TRIP12: variants seen among roughly 807,000 people sequenced by gnomAD.
The protein encoded by TRIP12 is E3 ubiquitin-protein ligase TRIP12.
A neutral mutation model predicts 244.2 loss-of-function variants in TRIP12; 25 were observed. That is an observed-to-expected ratio of 0.10 (90% CI 0.07 to 0.14). TRIP12 has a LOEUF of 0.14. TRIP12 is among the 10% of genes least tolerant of loss of function. The pLI is 1.00. For missense variants in TRIP12, 1,677 were observed against 2,486.4 expected, an observed-to-expected ratio of 0.67 and a Z score of 6.92; for synonymous variants, 905 against 873.1, an observed-to-expected ratio of 1.04 and a Z score of -0.64.
At chr2:229,798,122 T>C (rs2043261844) in intron 23 of TRIP12, among the ~76,000 whole-genome samples, 2 of 152,208 alleles carry the variant, frequency 1.3e-5, no homozygotes, top group Admixed American at 1.3e-4. Flanking sequence ...AGTGTTCCCT[T>C]TACTTCCTAA....
chr2:229,840,688 G>A, intron 5 of TRIP12, 134 bp downstream of exon 5: 2 of 676,558 alleles, frequency 3.0e-6, no homozygotes, highest in Non-Finnish European at 4.7e-6. Context: ...GGTGACAAGA[G>A]CAAGACTCCG....
At chr2:229,817,760 A>C (rs981133721) in intron 9 of TRIP12, among the ~76,000 whole-genome samples, 1 of 151,950 alleles carries the variant, frequency 6.6e-6, no homozygotes. Flanking sequence ...ATGCCCGGCT[A>C]ATTTTTGTAT....
At chr2:229,883,531 A>G (rs1381963344) in intron 1 of TRIP12, among the ~76,000 whole-genome samples, 3 of 152,178 alleles carry the variant, frequency 2.0e-5, no homozygotes, top group African/African-American at 7.2e-5. Context: ...AGAATTATAA[A>G]CCCAATTTAA....
At chr2:229,872,896 T>A (rs1320417589) in intron 2 of TRIP12, among the ~76,000 whole-genome samples, 1 of 152,216 alleles carries the variant, frequency 6.6e-6, no homozygotes, top group East Asian at 1.9e-4. Context: ...TGACTTATAC[T>A]TCTCCAAGCC....
intron 4 of TRIP12, among the ~76,000 whole-genome samples, chr2:229,857,370 C>T (rs1185672019): frequency 6.6e-6 from 1 of 152,088 alleles, no homozygotes; most frequent in East Asian, 1.9e-4. Flanking sequence ...CAGTGGCTCA[C>T]ACTTATAATC....
At chr2:229,858,427 AATG>A (rs891786570) in intron 4 of TRIP12, among the ~76,000 whole-genome samples, 173 of 152,304 alleles carry the variant, frequency 1.1e-3, no homozygotes, top group African/African-American at 3.8e-3. Context: ...CTCCTAACTA[AATG>A]ATAATTTTGT....
intron 34 of TRIP12, among the ~76,000 whole-genome samples, chr2:229,780,915 A>G (rs2037940211): frequency 6.6e-6 from 1 of 152,216 alleles, no homozygotes; most frequent in Admixed American, 6.5e-5. Context: ...GGAACAAAAG[A>G]GAAGCAAAGA....
At chr2:229,845,866 G>GA (rs35008566) in intron 4 of TRIP12, among the ~76,000 whole-genome samples, 87 of 150,230 alleles carry the variant, frequency 5.8e-4, no homozygotes, top group Admixed American at 1.5e-3. Flanking sequence ...AAATTACGAA[G>GA]AAAAAAAAAA....
intron 2 of TRIP12, among the ~76,000 whole-genome samples, chr2:229,861,856 G>C (rs1053999078): frequency 6.6e-6 from 1 of 151,636 alleles, no homozygotes; most frequent in African/African-American, 2.4e-5. Context: ...ATGTTCTAAA[G>C]ACTTATTAGA....
At chr2:229,775,187 AT>A (rs1318028207) in intron 37 of TRIP12, among the ~76,000 whole-genome samples, 3 of 152,134 alleles carry the variant, frequency 2.0e-5, no homozygotes, top group African/African-American at 7.2e-5. Flanking sequence ...AGCAAACTAA[AT>A]GCTGTTTAGG....
In TRIP12 at chr2:229,840,722, A is replaced by G. The variant is rs1043453156; in HGVS notation, c.1133+100T>C. ...CGTCAAAAAACAAAACAAAACAAACAAAACAAAAAACAACCTATGGAGTTA... is the reference window on the plus strand; with the variant it reads ...CGTCAAAAAACAAAACAAAACAAACGAAACAAAAAACAACCTATGGAGTTA... On this transcript the variant is annotated intron_variant, in intron 5 of 41. Coordinates refer to ENST00000675903, the MANE Select transcript of TRIP12 (RefSeq NM_001348323.3). 3.4e-6 allele frequency: 3 copies of G among 887,076 alleles called. No homozygotes were observed. The African/African-American group carries it at 5.3e-5, about 16-fold the overall frequency. 55.0% of individuals were successfully genotyped at this position (887,076 alleles called of 1,614,324 possible).
chr2:229,800,696 T>C (rs1206548299), intron 21 of TRIP12, among the ~76,000 whole-genome samples: 1 of 152,226 alleles, frequency 6.6e-6, no homozygotes, highest in African/African-American at 2.4e-5. Context: ...AAAGTTATTT[T>C]CTCTTTCTTT....
intron 21 of TRIP12, among the ~76,000 whole-genome samples, chr2:229,799,947 G>T (rs563434881): frequency 6.6e-6 from 1 of 152,176 alleles, no homozygotes; most frequent in East Asian, 1.9e-4. Flanking sequence ...TAAGATGACT[G>T]ATCAATTTTC....
At chr2:229,922,482 G>A (rs775037132), upstream of TRIP12, 1 of 1,611,600 alleles carries the variant, frequency 6.2e-7, no homozygotes. Context: ...GCCCCTTCCT[G>A]GTTGTCTTAG....
chr2:229,875,108 TCAG>T (rs1385295259), intron 2 of TRIP12, among the ~76,000 whole-genome samples: 1 of 151,908 alleles, frequency 6.6e-6, no homozygotes, highest in Middle Eastern at 3.2e-3. Flanking sequence ...GAGGAACAGG[TCAG>T]CTACAATCCA....
intron 1 of TRIP12, among the ~76,000 whole-genome samples, chr2:229,901,505 T>C (rs1205778818): frequency 1.3e-5 from 2 of 150,666 alleles, no homozygotes; most frequent in Non-Finnish European, 2.9e-5. Context: ...CACTTGTAAA[T>C]CCAGCAACTT....
Position 229,860,492 on chromosome 2 carries a change from A to G in TRIP12, c.138T>C (p.Pro46=). The part of the protein sequence containing the change: ...LGQAKHKGYS[P]PESRKSNSKA... ...TAGAATTAGATTTTCTACTCTCAGG[A>G]GGGCTATATCCCTTATGTTTTGCCT... Residue 46 remains proline (P), a synonymous_variant, in exon 3 of 42, where the codon CCT becomes CCC. Transcript: ENST00000675903. 1 of 1,612,056 alleles carries G rather than the reference A, an allele frequency of 6.2e-7. No individual in the cohort carries two copies.
intron 31 of TRIP12, among the ~76,000 whole-genome samples, chr2:229,789,309 C>T (rs1188551219): frequency 6.6e-6 from 1 of 152,200 alleles, no homozygotes; most frequent in African/African-American, 2.4e-5. Flanking sequence ...GATATATAAA[C>T]TTCTGGTTAC....
intron 2 of TRIP12, among the ~76,000 whole-genome samples, chr2:229,869,057 G>A (rs1431205187): frequency 6.6e-6 from 1 of 152,176 alleles, no homozygotes; most frequent in Non-Finnish European, 1.5e-5. Context: ...CTGAATATCT[G>A]AATGTGCAGG....
Sources: gnomAD v4.1 joint callset for allele counts (sites outside exome capture counted in the v4.1 genomes callset) on GRCh38, gnomAD v4.1.1 for gene constraint, MANE v1.5 for transcripts, NCBI Gene and HGNC (gene_info 2026-07-23, HGNC 2026-07-21) for gene names.